The following SPECC1 variants were observed in gnomAD, a reference collection of about 807,000 sequenced individuals.
SPECC1 encodes the protein sperm antigen with calponin homology and coiled-coil domains 1.
Under a neutral mutation model 104.1 loss-of-function variants are expected in SPECC1, and 62 were observed. The ratio of observed to expected loss-of-function variants is 0.60; its 90% confidence interval spans 0.49 to 0.74. The LOEUF is 0.74. Among genes scored for constraint, SPECC1 ranks in the 30% least tolerant of loss-of-function variants. SPECC1 has a pLI of 0.00. For synonymous variants in SPECC1, 513 were observed against 501.6 expected, an observed-to-expected ratio of 1.02 and a Z score of -0.30; for missense variants, 1,306 against 1,310.5, an observed-to-expected ratio of 1.00 and a Z score of 0.05.
At chr17:20,111,186 C>G (rs1374512760) in intron 3 of SPECC1, among the ~76,000 whole-genome samples, 5 of 152,170 alleles carry the variant, frequency 3.3e-5, no homozygotes, top group Non-Finnish European at 5.9e-5. Flanking sequence ...AACTCTTAAG[C>G]TTTCATGGCC....
chr17:20,253,412 T>TTGCACACACACGCA, intron 9 of SPECC1, 93 bp from the exon 10 acceptor site: 1 of 1,227,498 alleles, frequency 8.1e-7, no homozygotes, highest in South Asian at 1.3e-5. Context: ...TTAAGAACTG[T>TTGCACACACACGCA]TGCACACACA....
chr17:20,257,565 T>A lies in SPECC1; in HGVS notation c.2795T>A (p.Leu932Gln). 1.2e-6 allele frequency: 2 copies of A among 1,613,490 alleles called. No individual in the cohort carries two copies. The highest frequency in any genetic ancestry group is 1.7e-6 in the Non-Finnish European group (2 of 1,179,874). Reference sequence around the variant, plus strand: ...CTGGGCTTTGGGGACACAAGACTGCTGAGTGCTTCCACCCGGGCATGGAAA... The same window carrying A: ...CTGGGCTTTGGGGACACAAGACTGCAGAGTGCTTCCACCCGGGCATGGAAA... ...PSLGFGDTRL[L>Q]SASTRAWKPQ... Residue 932 changes from leucine to glutamine, a missense_variant, in exon 11 of 15, where the codon CTG becomes CAG. By Grantham distance (113) the Leu-to-Gln change is moderately radical. Coordinates refer to ENST00000395527, the MANE Select transcript of SPECC1 (RefSeq NM_001243439.2).
At chr17:20,245,785 A>G (rs1334833093) in intron 7 of SPECC1, 141 bp from the exon 8 acceptor site, 1 of 966,054 alleles carries the variant, frequency 1.0e-6, no homozygotes, top group Non-Finnish European at 1.5e-6. Context: ...GCAAACTGGT[A>G]GAGAAAACAG....
chr17:20,022,002 C>T (rs1041888448), intron 1 of SPECC1, among the ~76,000 whole-genome samples: 2 of 151,792 alleles, frequency 1.3e-5, no homozygotes, highest in Non-Finnish European at 2.9e-5. Flanking sequence ...AGTGCAGTGG[C>T]ATGGTCTCGG....
intron 3 of SPECC1, among the ~76,000 whole-genome samples, chr17:20,177,200 G>A (rs1370213788): frequency 6.6e-6 from 1 of 152,188 alleles, no homozygotes; most frequent in Admixed American, 6.5e-5. Context: ...TTGAGGAATA[G>A]TGAAATCTTT....
chr17:20,154,058 C>T (rs573816748), intron 3 of SPECC1, among the ~76,000 whole-genome samples: 1 of 152,300 alleles, frequency 6.6e-6, no homozygotes, highest in Admixed American at 6.5e-5. Flanking sequence ...CAGAAACCAA[C>T]TCATGGTACT....
chr17:20,281,990 C>CTG (rs1751446259), intron 12 of SPECC1, among the ~76,000 whole-genome samples: 1 of 152,188 alleles, frequency 6.6e-6, no homozygotes, highest in South Asian at 2.1e-4. Flanking sequence ...CGTTCGGGTG[C>CTG]TGTGTGAGGC....
chr17:20,163,609 G>A (rs12945089), intron 3 of SPECC1, among the ~76,000 whole-genome samples: 3,089 of 149,866 alleles, frequency 0.021, 53 homozygotes, highest in Non-Finnish European at 0.033. Context: ...CACACAGGCT[G>A]GAGTGCAGTG....
chr17:20,211,471 T>C (rs1186703916), intron 4 of SPECC1, among the ~76,000 whole-genome samples: 1 of 152,236 alleles, frequency 6.6e-6, no homozygotes, highest in African/African-American at 2.4e-5. Flanking sequence ...CAAGGGGCTG[T>C]GGCCTGGGGA....
At chr17:20,200,407 A>G (rs1177804696) in intron 3 of SPECC1, among the ~76,000 whole-genome samples, 1 of 152,210 alleles carries the variant, frequency 6.6e-6, no homozygotes, top group Admixed American at 6.5e-5. Flanking sequence ...TAATCTTCAT[A>G]ATTATGAGAT....
chr17:20,156,348 A>G, intron 3 of SPECC1: 2 of 1,206,086 alleles, frequency 1.7e-6, no homozygotes, highest in South Asian at 4.7e-5. Context: ...CGAAAGGCTA[A>G]GGTCCTGGGG....
intron 1 of SPECC1, among the ~76,000 whole-genome samples, chr17:20,070,629 C>T (rs188424560): frequency 6.6e-6 from 1 of 152,194 alleles, no homozygotes; most frequent in East Asian, 1.9e-4. Context: ...ACCAATTAGA[C>T]TTTAAATTAT....
At chr17:20,145,513 T>A (rs1014836604) in intron 3 of SPECC1, among the ~76,000 whole-genome samples, 1 of 152,180 alleles carries the variant, frequency 6.6e-6, no homozygotes, top group Non-Finnish European at 1.5e-5. Context: ...AGATAACTAC[T>A]AGAGTTCTGG....
At chr17:20,182,392 A>G (rs1192197239) in intron 3 of SPECC1, among the ~76,000 whole-genome samples, 4 of 152,216 alleles carry the variant, frequency 2.6e-5, no homozygotes, top group African/African-American at 7.2e-5. Flanking sequence ...CTAGGATTAC[A>G]GGCATGACCC....
At chr17:20,260,406 A>G in intron 12 of SPECC1, 112 bp downstream of exon 12, 1 of 863,768 alleles carries the variant, frequency 1.2e-6, no homozygotes, top group Non-Finnish European at 1.8e-6. Flanking sequence ...TGTAATTGTC[A>G]TCTTTCTATT....
chr17:20,250,113 A>G (rs2039565670), intron 9 of SPECC1, among the ~76,000 whole-genome samples: 1 of 152,222 alleles, frequency 6.6e-6, no homozygotes. Context: ...TCTCAAGAAG[A>G]ATGATGGAAG....
chr17:20,138,503 A>G (rs184584920), intron 3 of SPECC1, among the ~76,000 whole-genome samples: 3 of 152,198 alleles, frequency 2.0e-5, no homozygotes, highest in Non-Finnish European at 4.4e-5. Context: ...CTGCCCCCAA[A>G]ATCCTCTGTG....
At chr17:20,265,104 G>A (rs915585243) in intron 12 of SPECC1, among the ~76,000 whole-genome samples, 2 of 152,128 alleles carry the variant, frequency 1.3e-5, no homozygotes, top group African/African-American at 4.8e-5. Context: ...GTGGTAGAAC[G>A]ACTTATTTTT....
intron 3 of SPECC1, among the ~76,000 whole-genome samples, chr17:20,181,527 C>G (rs1418079252): frequency 6.6e-6 from 1 of 151,994 alleles, no homozygotes; most frequent in Non-Finnish European, 1.5e-5. Flanking sequence ...AATATAAATT[C>G]ACAAATTGTT....
Sources: gnomAD v4.1 joint callset for allele counts (sites outside exome capture counted in the v4.1 genomes callset) on GRCh38, gnomAD v4.1.1 for gene constraint, MANE v1.5 for transcripts, NCBI Gene and HGNC (gene_info 2026-07-23, HGNC 2026-07-21) for gene names.